FCHSD2: variants seen among roughly 807,000 people sequenced by gnomAD.
The protein encoded by FCHSD2 is F-BAR and double SH3 domains protein 2.
In FCHSD2, 38 loss-of-function variants were observed where a neutral mutation model predicts 108.1. That is an observed-to-expected ratio of 0.35 (90% confidence interval 0.27 to 0.46). FCHSD2 has a LOEUF of 0.46. Ranked by LOEUF, FCHSD2 falls within the 20% of genes least tolerant of loss-of-function variation. The probability of loss-of-function intolerance (pLI) is 1.00; values close to 1 mark genes in which losing one functional copy is unlikely to be tolerated. For synonymous variants in FCHSD2, 279 were observed against 314.7 expected, an observed-to-expected ratio of 0.89 and a Z score of 1.20; for missense variants, 751 against 897.8, an observed-to-expected ratio of 0.84 and a Z score of 2.09.
chr11:72,856,990 G>T (rs1565290844), intron 13 of FCHSD2, among the ~76,000 whole-genome samples: 1 of 152,116 alleles, frequency 6.6e-6, no homozygotes, highest in Non-Finnish European at 1.5e-5. Context: ...TAAAAATGTG[G>T]GTAGAACAAG....
intron 8 of FCHSD2, among the ~76,000 whole-genome samples, chr11:72,978,854 C>CTT (rs1190277188): frequency 0.14 from 15,349 of 110,820 alleles, 1,651 homozygotes; most frequent in South Asian, 0.25. Flanking sequence ...GTAGCTCTTT[C>CTT]TTTTTTTTTT....
rs1565313365 is a variant in FCHSD2 at position 72,901,865 on chromosome 11, G to GA, written c.924+677_924+678insT. Among the ~76,000 whole-genome samples the GA allele has an allele frequency of 2.0e-5, 3 of 147,766 alleles. No homozygotes were observed. In the South Asian group the frequency reaches 6.4e-4, roughly 32 times the overall value. The stretch of plus-strand genomic sequence containing the variant: ...TATTCCATTTATTAATTCTATTCTG[G>GA]TTTTTTTTTTGTTTGTTTGTTTGTT... On this transcript the variant is annotated intron_variant, in intron 10 of 19. Transcript: ENST00000409418.
chr11:72,909,914 G>T lies in FCHSD2; in HGVS notation c.829-7276C>A, dbSNP rs554065078. 4.7e-5 allele frequency among the ~76,000 whole-genome samples: 7 copies of T among 149,362 alleles called. No individual in the cohort carries two copies. In the South Asian group the frequency reaches 1.5e-3, roughly 32 times the overall value. ...TGGGAAGTGAGGAGCACCTCTGCCC[G>T]GCTGCCCATCATCTGAGATGTGAGG... On this transcript the variant is annotated intron_variant, in intron 9 of 19. Coordinates refer to ENST00000409418, the MANE Select transcript of FCHSD2 (RefSeq NM_014824.3).
intron 8 of FCHSD2, among the ~76,000 whole-genome samples, chr11:72,982,735 T>G (rs553268346): frequency 6.6e-6 from 1 of 152,310 alleles, no homozygotes; most frequent in African/African-American, 2.4e-5. Context: ...GACAGACATC[T>G]TCATATAGCT....
intron 9 of FCHSD2, among the ~76,000 whole-genome samples, chr11:72,909,137 C>T (rs535530613): frequency 9.2e-5 from 14 of 152,170 alleles, no homozygotes; most frequent in East Asian, 5.8e-4. Context: ...CTTGGGCTCC[C>T]GTGATTCTCC....
chr11:72,860,699 G>C (rs533715107), intron 13 of FCHSD2, among the ~76,000 whole-genome samples: 2 of 152,134 alleles, frequency 1.3e-5, no homozygotes, highest in African/African-American at 4.8e-5. Flanking sequence ...ACAAAATTTA[G>C]CTGGGCGTGG....
At chr11:73,062,802 C>A (rs1359894180) in intron 3 of FCHSD2, among the ~76,000 whole-genome samples, 1 of 152,180 alleles carries the variant, frequency 6.6e-6, no homozygotes, top group Non-Finnish European at 1.5e-5. Context: ...AAGACCAAAT[C>A]TACATCTGAT....
In FCHSD2 at chr11:73,107,339, C is replaced by T. The variant is rs867810269; in HGVS notation, c.120-23599G>A. Among the ~76,000 whole-genome samples, 4 of 152,148 alleles carry T rather than the reference C, an allele frequency of 2.6e-5. No homozygotes were observed. In the South Asian group the frequency reaches 6.2e-4, roughly 24 times the overall value. ...CTGAGATTACAGGCATGAGCTACCACACCTGGCCATTTTTTTTATTTTTAA... is the reference window on the plus strand; with the variant it reads ...CTGAGATTACAGGCATGAGCTACCATACCTGGCCATTTTTTTTATTTTTAA... On this transcript the variant is annotated intron_variant, in intron 2 of 19. Coordinates refer to ENST00000409418, the MANE Select transcript of FCHSD2 (RefSeq NM_014824.3).
chr11:73,033,485 C>T (rs772762372), intron 3 of FCHSD2, among the ~76,000 whole-genome samples: 1 of 152,066 alleles, frequency 6.6e-6, no homozygotes, highest in Non-Finnish European at 1.5e-5. Flanking sequence ...TATAAACATA[C>T]TCTGACCCCT....
At chr11:72,988,885 C>T (rs1857358779) in intron 6 of FCHSD2, 79 bp downstream of exon 6, 1 of 1,257,410 alleles carries the variant, frequency 8.0e-7, no homozygotes, top group Non-Finnish European at 1.1e-6. Flanking sequence ...TCCATGCTCA[C>T]TACTAATAGA....
At chr11:73,079,876 A>C (rs927612801) in intron 3 of FCHSD2, among the ~76,000 whole-genome samples, 1 of 152,162 alleles carries the variant, frequency 6.6e-6, no homozygotes, top group Non-Finnish European at 1.5e-5. Context: ...GGAGTATTTT[A>C]ATTTCTGCAT....
chr11:73,108,551 G>GT (rs35200645), intron 2 of FCHSD2, among the ~76,000 whole-genome samples: 34 of 150,622 alleles, frequency 2.3e-4, no homozygotes, highest in African/African-American at 5.1e-4. Flanking sequence ...TTAGATTTAA[G>GT]TTTTTTTTTT....
chr11:73,040,895 CT>C (rs1055532486), intron 3 of FCHSD2, among the ~76,000 whole-genome samples: 33 of 152,282 alleles, frequency 2.2e-4, no homozygotes, highest in East Asian at 5.8e-4. Flanking sequence ...GCTCCCCCCC[CT>C]CTTTGGTAAC....
At chr11:72,888,728 C>T (rs1855251077) in intron 11 of FCHSD2, among the ~76,000 whole-genome samples, 1 of 151,714 alleles carries the variant, frequency 6.6e-6, no homozygotes, top group Admixed American at 6.6e-5. Context: ...AAGCAATTCT[C>T]CCCAACCTTA....
chr11:72,978,854 CT>C (rs1190277188), intron 8 of FCHSD2, among the ~76,000 whole-genome samples: 526 of 110,866 alleles, frequency 4.7e-3, no homozygotes, highest in Non-Finnish European at 5.7e-3. Context: ...GTAGCTCTTT[CT>C]TTTTTTTTTT....
rs1041185418 is a variant in FCHSD2 at position 72,940,878 on chromosome 11, C to G, written c.706-18928G>C. ...ATTGGGTTGGTGAAGATTACACATA[C>G]AAATTTTTTGAGGTTATCCTCATTG... On this transcript the variant is annotated intron_variant, in intron 8 of 19. Transcript: ENST00000409418. The G allele has an allele frequency of 1.2e-5, 11 of 922,942 alleles. No homozygotes were observed. The African/African-American group carries it at 1.6e-4, about 14-fold the overall frequency. The allele number at this position is 922,942 out of a possible 1,614,324, so 57.2% of individuals were successfully genotyped here. A position where few individuals can be genotyped will look rare whatever the true frequency, so the allele number is the denominator to read the frequency against.
At chr11:73,038,752 C>T (rs959190227) in intron 3 of FCHSD2, among the ~76,000 whole-genome samples, 3 of 152,090 alleles carry the variant, frequency 2.0e-5, no homozygotes, top group Admixed American at 6.5e-5. Context: ...TGCTCACTAC[C>T]TGGGTGATAG....
intron 9 of FCHSD2, among the ~76,000 whole-genome samples, chr11:72,914,251 G>C (rs1412859023): frequency 6.6e-6 from 1 of 152,130 alleles, no homozygotes; most frequent in Non-Finnish European, 1.5e-5. Flanking sequence ...CTGACCTAAA[G>C]TGATCTGCCC....
At chr11:72,866,424 C>T (rs1207725411) in intron 13 of FCHSD2, among the ~76,000 whole-genome samples, 3 of 152,104 alleles carry the variant, frequency 2.0e-5, no homozygotes, top group Non-Finnish European at 2.9e-5. Flanking sequence ...CGTCTGCCAC[C>T]ATGCCTGGCT....
Sources: gnomAD v4.1 joint callset for allele counts (sites outside exome capture counted in the v4.1 genomes callset) on GRCh38, gnomAD v4.1.1 for gene constraint, MANE v1.5 for transcripts, NCBI Gene and HGNC (gene_info 2026-07-23, HGNC 2026-07-21) for gene names.